The following SLC2A13 variants were observed in gnomAD, a reference collection of about 807,000 sequenced individuals.
SLC2A13 encodes the protein solute carrier family 2 member 13.
In SLC2A13, 32 loss-of-function variants were observed where a neutral mutation model predicts 64.4. The ratio of observed to expected loss-of-function variants is 0.50; its 90% CI spans 0.37 to 0.67. The LOEUF (loss-of-function observed/expected upper bound fraction) is 0.67, where lower values mean the gene tolerates loss of function less well. Among genes scored for constraint, SLC2A13 ranks in the 30% least tolerant of loss-of-function variants. SLC2A13 has a pLI of 0.00. For synonymous variants in SLC2A13, 338 were observed against 327.1 expected (o/e 1.03, Z -0.36); for missense variants, 743 against 829.2 (o/e 0.90, Z 1.28).
At chr12:39,920,295 A>G (rs569459204) in intron 4 of SLC2A13, among the ~76,000 whole-genome samples, 14 of 152,244 alleles carry the variant, frequency 9.2e-5, no homozygotes, top group African/African-American at 2.4e-5. Flanking sequence ...TCCAAATATT[A>G]ATTATCTCCA....
chr12:39,900,368 G>A (rs1387591026), intron 4 of SLC2A13, among the ~76,000 whole-genome samples: 3 of 152,020 alleles, frequency 2.0e-5, no homozygotes, highest in Non-Finnish European at 4.4e-5. Context: ...AAATAAAGGG[G>A]ATTATATTAG....
chr12:40,083,021 A>C (rs1010972965), intron 1 of SLC2A13, among the ~76,000 whole-genome samples: 2 of 152,008 alleles, frequency 1.3e-5, no homozygotes, highest in Non-Finnish European at 2.9e-5. Flanking sequence ...CTGGTTTCTC[A>C]GTGGGAGAAG....
At chr12:39,994,283 T>G (rs1348819983) in intron 3 of SLC2A13, among the ~76,000 whole-genome samples, 1 of 150,694 alleles carries the variant, frequency 6.6e-6, no homozygotes, top group Non-Finnish European at 1.5e-5. Context: ...CTCGGCAGGC[T>G]GAGGCAGGAG....
At chr12:39,788,332 T>C (rs1303336557) in intron 7 of SLC2A13, among the ~76,000 whole-genome samples, 1 of 152,168 alleles carries the variant, frequency 6.6e-6, no homozygotes, top group Non-Finnish European at 1.5e-5. Flanking sequence ...GGGGCCATTA[T>C]TAAGTAACAA....
intron 1 of SLC2A13, among the ~76,000 whole-genome samples, chr12:40,058,217 G>A (rs900574969): frequency 1.7e-4 from 26 of 152,096 alleles, no homozygotes; most frequent in African/African-American, 6.0e-4. Context: ...CAGGGTCTTC[G>A]ATGATAATCC....
At chr12:39,953,446 A>G (rs892049904) in intron 3 of SLC2A13, among the ~76,000 whole-genome samples, 2 of 152,154 alleles carry the variant, frequency 1.3e-5, no homozygotes, top group African/African-American at 4.8e-5. Flanking sequence ...ACCTAGCTTT[A>G]TTAGGCAGTA....
rs890711207 is a variant in SLC2A13, at chr12:39,938,682, T to C, written c.1034+12575A>G. 1.0e-4 allele frequency among the ~76,000 whole-genome samples: 11 copies of C among 109,604 alleles called. No individual in the cohort carries two copies. The East Asian group carries it at 1.8e-3, about 18-fold the overall frequency. 71.9% of individuals were successfully genotyped at this position (109,604 alleles called of 152,430 possible). On this transcript the variant is annotated intron_variant, in intron 4 of 9. Transcript: ENST00000280871. ...TTTCCACATGGTTAGCCAGGGATCA[T>C]TGACTTTTTTTTTTTTTTTACTAAA...
intron 4 of SLC2A13, among the ~76,000 whole-genome samples, chr12:39,917,321 C>T (rs183028472): frequency 2.1e-4 from 32 of 151,992 alleles, no homozygotes; most frequent in Non-Finnish European, 3.4e-4. Context: ...CAAAAGCATG[C>T]GGTAGGAAAG....
At chr12:40,012,213 A>G (rs1947543020) in intron 3 of SLC2A13, among the ~76,000 whole-genome samples, 1 of 152,246 alleles carries the variant, frequency 6.6e-6, no homozygotes, top group African/African-American at 2.4e-5. Flanking sequence ...ACTAAATTAG[A>G]TTGACAGTTC....
At chr12:39,860,056 A>G (rs1315254644) in intron 6 of SLC2A13, among the ~76,000 whole-genome samples, 3 of 152,200 alleles carry the variant, frequency 2.0e-5, no homozygotes, top group Non-Finnish European at 4.4e-5. Context: ...TAGAAAAAGA[A>G]GCTGTTGTGT....
At chr12:39,920,547 C>T (rs1187176680) in intron 4 of SLC2A13, among the ~76,000 whole-genome samples, 1 of 152,016 alleles carries the variant, frequency 6.6e-6, no homozygotes, top group African/African-American at 2.4e-5. Context: ...CTGGTTCTTT[C>T]CTTCATGTAG....
chr12:39,964,389 C>T (rs566462780), intron 3 of SLC2A13, among the ~76,000 whole-genome samples: 5 of 152,262 alleles, frequency 3.3e-5, no homozygotes, highest in East Asian at 1.9e-4. Flanking sequence ...TAAAGCATTA[C>T]GTTCATGGAA....
chr12:39,951,326 G>A lies in SLC2A13; in HGVS notation c.965C>T (p.Thr322Ile). 3 of 1,611,326 alleles carry A rather than the reference G, an allele frequency of 1.9e-6. No individual in the cohort carries two copies. The highest frequency in any genetic ancestry group is 1.7e-6 in the Non-Finnish European group (2 of 1,178,520). Residue 322 changes from threonine to isoleucine, a missense_variant, in exon 4 of 10, where the codon ACT becomes ATT. By Grantham distance (89) the Thr-to-Ile change is moderately conservative. This residue lies in a region of SLC2A13 where 448 missense variants were observed against 447.4 expected (regional missense o/e 1.00). Transcript: ENST00000280871. ...VICRMLSYPP[T>I]RRALIVGCGL... is the part of the protein sequence containing the mutation. ...ACAACCCACAATTAAAGCTCGGCGAGTTGGGGGATAACTCAGCATTCTGCA... is the reference window on the plus strand; with the variant it reads ...ACAACCCACAATTAAAGCTCGGCGAATTGGGGGATAACTCAGCATTCTGCA...
Position 39,938,508 on chromosome 12 carries a change from AAT to A in SLC2A13, c.1034+12747_1034+12748del, listed in dbSNP as rs538506269. On this transcript the variant is annotated intron_variant, in intron 4 of 9. Transcript: ENST00000280871. ...ACAGTAAATATTGGTTGAAGGCATAAATACATACATACATTAATGATGTATTT... is the reference window on the plus strand; with the variant it reads ...ACAGTAAATATTGGTTGAAGGCATAAACATACATACATTAATGATGTATTT... 1.7e-4 allele frequency among the ~76,000 whole-genome samples: 26 copies of A among 151,358 alleles called. No individual in the cohort carries two copies. The South Asian group carries it at 5.2e-3, about 30-fold the overall frequency.
At chr12:39,882,232 G>C (rs1188848690) in intron 4 of SLC2A13, among the ~76,000 whole-genome samples, 1 of 152,080 alleles carries the variant, frequency 6.6e-6, no homozygotes, top group Non-Finnish European at 1.5e-5. Flanking sequence ...TGGAAGACTT[G>C]TTCAAAAACA....
intron 3 of SLC2A13, among the ~76,000 whole-genome samples, chr12:39,990,185 C>T (rs1272800040): frequency 6.6e-6 from 1 of 152,116 alleles, no homozygotes; most frequent in South Asian, 2.1e-4. Flanking sequence ...ATAAAGTAGT[C>T]TTACACATAT....
At chr12:39,989,831 CAAAA>C (rs1349830688) in intron 3 of SLC2A13, among the ~76,000 whole-genome samples, 1 of 152,060 alleles carries the variant, frequency 6.6e-6, no homozygotes, top group Non-Finnish European at 1.5e-5. Flanking sequence ...TTTGGGTAAA[CAAAA>C]AGAAAATTGC....
chr12:40,005,349 C>T (rs1036634514), intron 3 of SLC2A13, among the ~76,000 whole-genome samples: 2 of 152,042 alleles, frequency 1.3e-5, no homozygotes, highest in African/African-American at 4.8e-5. Context: ...GTACAACTAC[C>T]CTTTAGTATT....
intron 4 of SLC2A13, among the ~76,000 whole-genome samples, chr12:39,895,632 A>ATGTATATATG (rs1449912694): frequency 6.9e-6 from 1 of 144,954 alleles, no homozygotes; most frequent in African/African-American, 2.6e-5. Context: ...GTACACACAT[A>ATGTATATATG]TGTATATGCG....
Sources: allele counts gnomAD v4.1 joint callset (sites outside exome capture counted in the v4.1 genomes callset), GRCh38; gene constraint gnomAD v4.1.1; regional missense constraint gnomAD v4.1.1; transcripts MANE v1.5; gene names NCBI Gene and HGNC (gene_info 2026-07-23, HGNC 2026-07-21).